The following NOTCH1 variants were observed in gnomAD, a reference collection of about 807,000 sequenced individuals.
NOTCH1 encodes notch receptor 1, also known as neurogenic locus notch homolog protein 1.
Under a neutral mutation model 254.8 loss-of-function variants are expected in NOTCH1, and 37 were observed. That is an observed-to-expected ratio of 0.15 (90% CI 0.11 to 0.19). NOTCH1 has a LOEUF of 0.19. Ranked by LOEUF, NOTCH1 falls within the 10% of genes least tolerant of loss-of-function variation. The pLI, the probability that NOTCH1 is intolerant of heterozygous loss-of-function variation, is 1.00. For missense variants in NOTCH1, 2,972 were observed against 3,708.6 expected (o/e 0.80, Z 5.16); for synonymous variants, 1,731 against 1,618.1 (o/e 1.07, Z -1.68).
chr9:136,509,594 A>G (rs1041853972), intron 18 of NOTCH1, 139 bp downstream of exon 18: 1 of 762,782 alleles, frequency 1.3e-6, no homozygotes, highest in African/African-American at 1.7e-5. Flanking sequence ...TACAATGAAC[A>G]ATGTCTGGAC....
intron 9 of NOTCH1, among the ~76,000 whole-genome samples, chr9:136,516,312 C>G (rs959489573): frequency 6.6e-6 from 1 of 152,236 alleles, no homozygotes; most frequent in Non-Finnish European, 1.5e-5. Flanking sequence ...ACAGAAGGGG[C>G]CTTTTTCCCA....
chr9:136,508,302 G>A lies in NOTCH1; in HGVS notation c.3255C>T (p.Cys1085=), dbSNP rs2133347373. The A allele has an allele frequency of 6.2e-7, 1 of 1,612,972 alleles. No individual in the cohort carries two copies. Among genetic ancestry groups the A allele is most frequent in the South Asian group, 1.1e-5 (1 of 91,084 alleles). ...AGTAAAGGCCGGTCCAGCCGCTGGGGCACTCGCAGCGGTACTGGGTGTGGG... is the reference window on the plus strand; with the variant it reads ...AGTAAAGGCCGGTCCAGCCGCTGGGACACTCGCAGCGGTACTGGGTGTGGG... The part of the protein sequence containing the change: ...WQTHTQYRCE[C]PSGWTGLYCD... The change falls in exon 20 of 34, where the codon TGC becomes TGT. Residue 1085 remains cysteine (C), a synonymous_variant. Transcript: ENST00000651671.
At chr9:136,536,745 C>A (rs112479094) in intron 2 of NOTCH1, among the ~76,000 whole-genome samples, 10 of 152,222 alleles carry the variant, frequency 6.6e-5, no homozygotes, top group Non-Finnish European at 1.3e-4. Context: ...CAGTGACTAC[C>A]CCTAGCTTGT....
intron 15 of NOTCH1, among the ~76,000 whole-genome samples, chr9:136,512,754 C>T (rs1843200758): frequency 6.6e-6 from 1 of 152,196 alleles, no homozygotes; most frequent in South Asian, 2.1e-4. Context: ...TTCTCCCAGG[C>T]ATCCTGTATC....
Position 136,496,900 on chromosome 9 carries a change from G to A in NOTCH1, c.6839C>T (p.Ser2280Phe), listed in dbSNP as rs1190825232. Residue 2280 changes from serine to phenylalanine, a missense_variant, in exon 34 of 34, where the codon TCT becomes TTT. Ser to Phe is a radical substitution (Grantham distance 155). Around this residue, in one of 8 missense-constraint regions of NOTCH1, gnomAD observed 529 missense variants for 529.2 expected, o/e 1.00. Transcript: ENST00000651671. ...GGAGCCCAGGACGGTGCTGGTGCCA[G>A]AGGCCACAGGCAGGTGGGAGAGACG... is the stretch of plus-strand genomic sequence containing the variant. ...PPRLSHLPVA[S>F]GTSTVLGSSS... is the part of the protein sequence containing the mutation. 6.2e-7 allele frequency: 1 copy of A among 1,612,820 alleles called. No homozygotes were observed. The highest frequency in any genetic ancestry group is 8.5e-7 in the Non-Finnish European group (1 of 1,179,988).
rs762537859 is a variant in NOTCH1, at chr9:136,514,568, C to T, written c.2149G>A (p.Val717Ile). Residue 717 changes from valine to isoleucine, a missense_variant, in exon 13 of 34, where the codon GTC becomes ATC. By Grantham distance (29) the Val-to-Ile change is conservative (BLOSUM62 3). Coordinates refer to ENST00000651671, the MANE Select transcript of NOTCH1 (RefSeq NM_017617.5). ...GYHDPTCLSE[V>I]NECNSNPCVH... ...CAGGGGTTGCTGTTGCACTCATTGACCTCAGACAGGCAGGTGGGGTCGTGG... is the reference window on the plus strand; with the variant it reads ...CAGGGGTTGCTGTTGCACTCATTGATCTCAGACAGGCAGGTGGGGTCGTGG... 1 of 1,607,966 alleles carries T rather than the reference C, an allele frequency of 6.2e-7. No individual in the cohort carries two copies. Among genetic ancestry groups the T allele is most frequent in the South Asian group, 1.1e-5 (1 of 89,912 alleles).
intron 2 of NOTCH1, among the ~76,000 whole-genome samples, chr9:136,524,639 C>CT (rs869128901): frequency 0.023 from 1,233 of 54,412 alleles, 14 homozygotes; most frequent in African/African-American, 0.058. Context: ...TTTTTCTTTT[C>CT]TTTTTTTTTT....
At chr9:136,536,429 C>G (rs1421090675) in intron 2 of NOTCH1, among the ~76,000 whole-genome samples, 1 of 152,182 alleles carries the variant, frequency 6.6e-6, no homozygotes, top group Non-Finnish European at 1.5e-5. Flanking sequence ...CCCTGAGGGT[C>G]CAGGGGGAGA....
intron 2 of NOTCH1, among the ~76,000 whole-genome samples, chr9:136,535,114 C>A (rs1843625213): frequency 6.7e-6 from 1 of 150,046 alleles, no homozygotes; most frequent in Non-Finnish European, 1.5e-5. Context: ...GCCCCACAGA[C>A]CTGAGGGAAC....
At position 136,497,043 on chromosome 9, in the gene NOTCH1, G is replaced by A. The variant is rs764890860; in HGVS notation, c.6696C>T (p.Asn2232=). 1.9e-6 allele frequency: 3 copies of A among 1,609,676 alleles called. No homozygotes were observed. The East Asian group carries it at 6.7e-5, about 36-fold the overall frequency. Residue 2232 remains asparagine, a synonymous_variant, in exon 34 of 34, where the codon AAC becomes AAT. Coordinates refer to ENST00000651671, the MANE Select transcript of NOTCH1 (RefSeq NM_017617.5). ...PFQQSPSVPL[N]HLPGMPDTHL... ...GGGTGTCGGGCATCCCAGGCAGGTG[G>A]TTGAGGGGCACGGACGGAGACTGCT... is the stretch of plus-strand genomic sequence containing the variant.
rs1484683113 is a variant in NOTCH1 at position 136,533,285 on chromosome 9, CCGCGCACCA to C, written c.141-9315_141-9307del. ...GGGGGGGACTCTGGCCCAGCCCCCTCCGCGCACCAGCCAGTGCCCAGCCTGAGCTCAAGC... is the reference window on the plus strand; with the variant it reads ...GGGGGGGACTCTGGCCCAGCCCCCTCGCCAGTGCCCAGCCTGAGCTCAAGC... On this transcript the variant is annotated intron_variant, in intron 2 of 33. Transcript: ENST00000651671. Among the ~76,000 whole-genome samples, 24 of 45,526 alleles carry C rather than the reference CCGCGCACCA, an allele frequency of 5.3e-4. 1 individual carries two copies. In the South Asian group the frequency reaches 0.011, roughly 21 times the overall value. The allele number at this position is 45,526 out of a possible 152,430, so 29.9% of individuals were successfully genotyped here.
Position 136,515,665 on chromosome 9 carries a change from G to C in NOTCH1, c.1721C>G (p.Pro574Arg), listed in dbSNP as rs771263341. 1 of 1,572,218 alleles carries C rather than the reference G, an allele frequency of 6.4e-7. No homozygotes were observed. Among genetic ancestry groups the C allele is most frequent in the Non-Finnish European group, 8.6e-7 (1 of 1,163,688 alleles). The change falls in exon 11 of 34, where the codon CCC (proline) becomes CGC (arginine). Residue 574 changes from proline (P) to arginine (R), a missense_variant. By Grantham distance (103) the Pro-to-Arg change is moderately radical (BLOSUM62 -2). Around this residue, in one of 8 missense-constraint regions of NOTCH1, gnomAD observed 128 missense variants for 193.8 expected, o/e 0.66. Coordinates refer to ENST00000651671, the MANE Select transcript of NOTCH1 (RefSeq NM_017617.5). ...EVDIDECDPD[P>R]CHYGSCKDGV... ...GTCCTTGCAGGAGCCGTAGTGGCAG[G>C]GGTCGGGGTCGCACTCATCGATGTC...
At chr9:136,519,868 G>A (rs1309395758) in intron 4 of NOTCH1, among the ~76,000 whole-genome samples, 5 of 152,240 alleles carry the variant, frequency 3.3e-5, no homozygotes, top group East Asian at 1.9e-4. Context: ...CCTGGGTGCC[G>A]CCTGCATGCT....
Position 136,505,869 on chromosome 9 carries a change from C to T in NOTCH1, c.4027G>A (p.Ala1343Thr), listed in dbSNP as rs369654090. Residue 1343 changes from alanine (A) to threonine (T), a missense_variant, in exon 25 of 34, where the codon GCC becomes ACC. By Grantham distance (58) the Ala-to-Thr change is moderately conservative (BLOSUM62 0). Around this residue, in one of 8 missense-constraint regions of NOTCH1, gnomAD observed 1,343 missense variants for 1,557.0 expected, o/e 0.86. Coordinates refer to ENST00000651671, the MANE Select transcript of NOTCH1 (RefSeq NM_017617.5). ...GTACGAGCGTCATTCTCACACGTGG[C>T]GCCCTCGAAGCCCTGCCCGAGAGGG... ...ICKCPAGFEGATCENDARTCG... is the reference protein window; with the variant it reads ...ICKCPAGFEGTTCENDARTCG... The T allele has an allele frequency of 3.5e-5, 56 of 1,590,810 alleles. No individual in the cohort carries two copies. Among genetic ancestry groups the T allele is most frequent in the Admixed American group, 1.0e-4 (6 of 58,966 alleles).
In NOTCH1 at chr9:136,508,318, T is replaced by C; in HGVS notation, c.3239A>G (p.Gln1080Arg). Residue 1080 changes from glutamine (Q) to arginine (R), a missense_variant, in exon 20 of 34, where the codon CAG (glutamine) becomes CGG (arginine). Physicochemically the swap from Gln to Arg is conservative, Grantham distance 43 (BLOSUM62 1). This residue lies in a region of NOTCH1 where 1,343 missense variants were observed against 1,557.0 expected (regional missense o/e 0.86). Transcript: ENST00000651671. ...GCCGCTGGGGCACTCGCAGCGGTAC[T>C]GGGTGTGGGTCTGCCAGCATTTGCC... is the stretch of plus-strand genomic sequence containing the variant. ...NGGKCWQTHT[Q>R]YRCECPSGWT... 1 of 1,613,014 alleles carries C rather than the reference T, an allele frequency of 6.2e-7. No homozygotes were observed. Among genetic ancestry groups the C allele is most frequent in the East Asian group, 2.2e-5 (1 of 44,872 alleles).
intron 2 of NOTCH1, among the ~76,000 whole-genome samples, chr9:136,527,812 C>T (rs950212497): frequency 3.9e-5 from 6 of 152,128 alleles, no homozygotes; most frequent in Admixed American, 3.9e-4. Context: ...CGCAGGTGAG[C>T]GGCGGGCGGG....
chr9:136,545,640 C>T lies in NOTCH1; in HGVS notation c.61+86G>A. On this transcript the variant is annotated intron_variant, in intron 1 of 33. Coordinates refer to ENST00000651671, the MANE Select transcript of NOTCH1 (RefSeq NM_017617.5). This position sits in a 1 kb window ranked among gnomAD's most constrained non-coding sequence, Gnocchi z 6.8. ...CATGCTGGCCTCCCCGCCGCCCGCT[C>T]CCAGCCGTGGGGCGCGCGCGCCGGG... 1 of 1,183,076 alleles carries T rather than the reference C, an allele frequency of 8.5e-7. No individual in the cohort carries two copies. The highest frequency in any genetic ancestry group is 1.1e-6 in the Non-Finnish European group (1 of 877,850). The allele number at this position is 1,183,076 out of a possible 1,614,324, so 73.3% of individuals were successfully genotyped here.
rs2133329075 is a variant in NOTCH1 at position 136,501,866 on chromosome 9, G to A, written c.5520C>T (p.His1840=). The change falls in exon 30 of 34, where the codon CAC becomes CAT. Residue 1840 remains histidine (H), a synonymous_variant. Transcript: ENST00000651671. The part of the protein sequence containing the change: ...VLPDLDDQTD[H]RQWTQQHLDA... ...CCAGGTGCTGCTGAGTCCACTGCCG[G>A]TGGTCTGTCTGGTCGTCCAGGTCAG... 1 of 1,612,572 alleles carries A rather than the reference G, an allele frequency of 6.2e-7. No individual in the cohort carries two copies. The highest frequency in any genetic ancestry group is 1.1e-5 in the South Asian group (1 of 91,076).
In NOTCH1 at chr9:136,522,946, C is replaced by T. The variant is rs1317233337; in HGVS notation, c.646G>A (p.Glu216Lys). The T allele has an allele frequency of 2.6e-6, 4 of 1,555,880 alleles. No individual in the cohort carries two copies. The highest frequency in any genetic ancestry group is 2.6e-6 in the Non-Finnish European group (3 of 1,150,352). The stretch of plus-strand genomic sequence containing the variant: ...GGGCTGCAGGGCACGTAGGGCCGCT[C>T]GCAGTTGGGGCCAGTGTGGGTGGCG... ...CRATHTGPNC[E>K]RPYVPCSPSP... Residue 216 changes from glutamate to lysine, a missense_variant, in exon 4 of 34, where the codon GAG becomes AAG. Transcript: ENST00000651671.
Sources: allele counts gnomAD v4.1 joint callset (sites outside exome capture counted in the v4.1 genomes callset), GRCh38; gene constraint gnomAD v4.1.1; regional missense constraint gnomAD v4.1.1; non-coding constraint Gnocchi (gnomAD v3.1); transcripts MANE v1.5; gene names NCBI Gene and HGNC (gene_info 2026-07-23, HGNC 2026-07-21).